Variants in DSC3 observed in about 807,000 individuals in gnomAD.
The protein encoded by DSC3 is desmocollin 3.
Under a neutral mutation model 89.5 loss-of-function variants are expected in DSC3, and 97 were observed. That is an observed-to-expected ratio of 1.08 (90% CI 0.92 to 1.28). The LOEUF (loss-of-function observed/expected upper bound fraction) is 1.28, where lower values mean the gene tolerates loss of function less well. Among genes scored for constraint, DSC3 ranks in the 50% most tolerant of loss-of-function variants. The probability of loss-of-function intolerance (pLI) is 0.00; values close to 1 mark genes in which losing one functional copy is unlikely to be tolerated. For missense variants in DSC3, 1,199 were observed against 1,085.3 expected, an observed-to-expected ratio of 1.10 and a Z score of -1.47; for synonymous variants, 436 against 384.1, an observed-to-expected ratio of 1.14 and a Z score of -1.58.
At chr18:31,040,843 T>C (rs1485055253) in intron 1 of DSC3, among the ~76,000 whole-genome samples, 1 of 152,174 alleles carries the variant, frequency 6.6e-6, no homozygotes, top group Non-Finnish European at 1.5e-5. Context: ...AGGAAATACA[T>C]ACATGAGATG....
At position 31,018,249 on chromosome 18, in the gene DSC3, G is replaced by A. The variant is rs1363564952; in HGVS notation, c.1085C>T (p.Ala362Val). ...APTFRQNAYE[A>V]FVEENAFNVE... is the part of the protein sequence containing the mutation. ...ATTGAATGCATTTTCCTCTACAAAT[G>A]CTTCATACTGAAACAGAAAGAAGTC... Residue 362 changes from alanine (A) to valine (V), a missense_variant, in exon 9 of 16, where the codon GCA (alanine) becomes GTA (valine). Transcript: ENST00000360428. 1.8e-5 allele frequency: 29 copies of A among 1,608,194 alleles called. No homozygotes were observed. The highest frequency in any genetic ancestry group is 2.2e-5 in the Non-Finnish European group (26 of 1,177,712).
intron 1 of DSC3, among the ~76,000 whole-genome samples, chr18:31,037,956 T>C (rs1439553481): frequency 2.0e-5 from 3 of 152,186 alleles, no homozygotes; most frequent in Non-Finnish European, 2.9e-5. Context: ...TATGAATTCT[T>C]TTGAAATGAA....
intron 1 of DSC3, among the ~76,000 whole-genome samples, chr18:31,041,536 C>T (rs1986130972): frequency 6.6e-6 from 1 of 152,198 alleles, no homozygotes; most frequent in Admixed American, 6.5e-5. Flanking sequence ...CGAGACCAGA[C>T]TCGGCTCACT....
At chr18:31,033,233 A>G (rs972597465) in intron 1 of DSC3, among the ~76,000 whole-genome samples, 12 of 152,210 alleles carry the variant, frequency 7.9e-5, no homozygotes, top group Admixed American at 2.0e-4. Flanking sequence ...CAGATTCAAT[A>G]CAATCTGTAT....
rs764746835 is a variant in DSC3 at position 31,008,445 on chromosome 18, G to T, written c.1344C>A (p.Pro448=). The stretch of plus-strand genomic sequence containing the variant: ...AGGCTCTGTTCAAGGCTGTCACTCT[G>T]GGAATATCTCTAGCAAATGGCGCTT... ...NNEAPFARDI[P]RVTALNRALV... is the part of the protein sequence containing the mutation. The change falls in exon 10 of 16, where the codon CCC becomes CCA. Residue 448 remains proline (P), a synonymous_variant. Transcript: ENST00000360428. 6.2e-7 allele frequency: 1 copy of T among 1,614,120 alleles called. No individual in the cohort carries two copies. Among genetic ancestry groups the T allele is most frequent in the Non-Finnish European group, 8.5e-7 (1 of 1,180,020 alleles).
chr18:30,996,917 C>T lies in DSC3; in HGVS notation c.2367G>A (p.Leu789=). 1 of 1,614,070 alleles carries T rather than the reference C, an allele frequency of 6.2e-7. No individual in the cohort carries two copies. The highest frequency in any genetic ancestry group is 1.1e-5 in the South Asian group (1 of 91,064). ...IEMMKGGNQT[L]ESCRGAGHHH... ...GATGCCCAGCCCCCCGGCAGGATTCCAAGGTCTGGTTTCCTCCTTTCATCA... is the reference window on the plus strand; with the variant it reads ...GATGCCCAGCCCCCCGGCAGGATTCTAAGGTCTGGTTTCCTCCTTTCATCA... Residue 789 remains leucine (L), a synonymous_variant, in exon 15 of 16, where the codon TTG becomes TTA. Coordinates refer to ENST00000360428, the MANE Select transcript of DSC3 (RefSeq NM_001941.5).
At chr18:31,024,876 C>A (rs1356394643) in intron 5 of DSC3, among the ~76,000 whole-genome samples, 1 of 152,130 alleles carries the variant, frequency 6.6e-6, no homozygotes, top group Non-Finnish European at 1.5e-5. Flanking sequence ...AGCAGCAATT[C>A]CCAATTTGTC....
intron 6 of DSC3, among the ~76,000 whole-genome samples, chr18:31,023,291 T>C (rs1985486229): frequency 6.6e-6 from 1 of 152,128 alleles, no homozygotes; most frequent in African/African-American, 2.4e-5. Context: ...ATGAACTCCT[T>C]TTACAAGTAA....
At chr18:31,010,543 G>T (rs1184789549) in intron 9 of DSC3, among the ~76,000 whole-genome samples, 3 of 152,172 alleles carry the variant, frequency 2.0e-5, no homozygotes, top group Non-Finnish European at 2.9e-5. Context: ...AAATCCTAAA[G>T]ATTAATGGGA....
intron 1 of DSC3, among the ~76,000 whole-genome samples, chr18:31,034,163 A>G (rs1985897227): frequency 6.6e-6 from 1 of 152,216 alleles, no homozygotes; most frequent in Admixed American, 6.5e-5. Context: ...TGTATCGAAA[A>G]TATTTAAAGA....
At chr18:31,009,367 T>C (rs1984982002) in intron 9 of DSC3, among the ~76,000 whole-genome samples, 1 of 152,206 alleles carries the variant, frequency 6.6e-6, no homozygotes, top group Non-Finnish European at 1.5e-5. Context: ...ATGTGTGTTT[T>C]AATTGCCCTC....
chr18:30,995,971 T>TAAAAAAA (rs1196444633), intron 15 of DSC3, among the ~76,000 whole-genome samples: 849 of 37,000 alleles, frequency 0.023, 60 homozygotes, highest in East Asian at 0.083. Flanking sequence ...GACCCTGCCT[T>TAAAAAAA]AAAAAAAAAA....
chr18:31,042,609 G>A lies in DSC3; in HGVS notation c.52C>T (p.Leu18=), dbSNP rs1371703027. The change falls in exon 1 of 16, where the codon CTG becomes TTG. Residue 18 remains leucine, a synonymous_variant. Coordinates refer to ENST00000360428, the MANE Select transcript of DSC3 (RefSeq NM_001941.5). ...RSVRGAVCLH[L]LLTLVIFSRA... Reference sequence around the variant, plus strand: ...TGGCTTACCACGAGGGTCAGCAGCAGATGCAGGCAGACGGCTCCGCGCACG... The same window carrying A: ...TGGCTTACCACGAGGGTCAGCAGCAAATGCAGGCAGACGGCTCCGCGCACG... The A allele has an allele frequency of 4.5e-6, 7 of 1,550,418 alleles. No homozygotes were observed. The Admixed American group carries it at 1.4e-4, about 30-fold the overall frequency.
chr18:31,007,614 T>G (rs893864146), intron 11 of DSC3, among the ~76,000 whole-genome samples: 2 of 152,210 alleles, frequency 1.3e-5, no homozygotes, highest in East Asian at 3.8e-4. Context: ...GTTGAAAAAC[T>G]CTAGGTTACT....
chr18:31,007,170 T>A, intron 11 of DSC3, 39 bp from the exon 12 acceptor site: 1 of 1,496,418 alleles, frequency 6.7e-7, no homozygotes, highest in Non-Finnish European at 9.3e-7. Context: ...TATTTTAAAA[T>A]TCTTTCATAG....
intron 9 of DSC3, 117 bp from the exon 10 acceptor site, chr18:31,008,642 G>T: frequency 2.2e-6 from 3 of 1,342,306 alleles, no homozygotes; most frequent in South Asian, 1.2e-5. Flanking sequence ...TTCACATGTT[G>T]TTAATACTGA....
intron 1 of DSC3, among the ~76,000 whole-genome samples, chr18:31,041,677 A>G (rs1292293069): frequency 6.6e-6 from 1 of 152,212 alleles, no homozygotes; most frequent in Admixed American, 6.5e-5. Flanking sequence ...CTTCGCGTGT[A>G]ACCGCGCCGC....
intron 3 of DSC3, 112 bp downstream of exon 3, chr18:31,030,861 A>G: frequency 9.9e-7 from 1 of 1,006,904 alleles, no homozygotes; most frequent in Non-Finnish European, 1.5e-6. Context: ...AAAGGAAACA[A>G]AATGAAAACA....
At chr18:31,015,363 G>T (rs1201273526) in intron 9 of DSC3, among the ~76,000 whole-genome samples, 1 of 152,118 alleles carries the variant, frequency 6.6e-6, no homozygotes, top group Admixed American at 6.5e-5. Flanking sequence ...TATGATATAG[G>T]TTATAACTTC....
Sources: gnomAD v4.1 joint callset for allele counts (sites outside exome capture counted in the v4.1 genomes callset) on GRCh38, gnomAD v4.1.1 for gene constraint, MANE v1.5 for transcripts, NCBI Gene and HGNC (gene_info 2026-07-23, HGNC 2026-07-21) for gene names.